CHST9: variants seen among roughly 807,000 people sequenced by gnomAD.
The protein encoded by CHST9 is carbohydrate sulfotransferase 9.
Under a neutral mutation model 44.4 loss-of-function variants are expected in CHST9, and 41 were observed. The ratio of observed to expected loss-of-function variants is 0.92; its 90% CI spans 0.72 to 1.20. CHST9 has a LOEUF of 1.20. Ranked by LOEUF, CHST9 falls within the 50% of genes most tolerant of loss-of-function variation. The pLI is 0.00. For synonymous variants in CHST9, 171 were observed against 178.4 expected (o/e 0.96, Z 0.33); for missense variants, 504 against 516.5 (o/e 0.98, Z 0.23).
In CHST9 at chr18:26,913,832, G is replaced by T. The variant is rs149043798; in HGVS notation, c.*2427C>A. 2.6e-5 allele frequency: 4 copies of T among 152,284 alleles called. No individual in the cohort carries two copies. The highest frequency in any genetic ancestry group is 7.2e-5 in the African/African-American group (3 of 41,560). The allele number at this position is 152,284 out of a possible 1,614,324, so 9.4% of individuals were successfully genotyped here. ...GCCAAATAAGTCAGGAGAGAAAAAT[G>T]GAGTTTGGCTTTAAACTCACAAGTA... is the stretch of plus-strand genomic sequence containing the variant. On this transcript the variant is annotated 3_prime_UTR_variant, in exon 6 of 6. Coordinates refer to ENST00000618847, the MANE Select transcript of CHST9 (RefSeq NM_031422.6).
intron 3 of CHST9, among the ~76,000 whole-genome samples, chr18:27,025,843 G>C (rs1454043560): frequency 6.6e-6 from 1 of 152,076 alleles, no homozygotes; most frequent in Admixed American, 6.6e-5. Context: ...ATATTGTTTA[G>C]ACTAGAACAA....
rs1336078574 is a variant in CHST9, at chr18:27,132,757, C to T, written c.121+9932G>A. Among the ~76,000 whole-genome samples, 9 of 152,082 alleles carry T rather than the reference C, an allele frequency of 5.9e-5. 1 individual carries two copies. Among genetic ancestry groups the T allele is most frequent in the African/African-American group, 9.7e-5 (4 of 41,386 alleles). On this transcript the variant is annotated intron_variant, in intron 2 of 5. Coordinates refer to ENST00000618847, the MANE Select transcript of CHST9 (RefSeq NM_031422.6). Reference sequence around the variant, plus strand: ...TTCTCTGAGACAGATGAGTGCTCACCGTGGGTAGGAAAGAAGATTAAGAAA... The same window carrying T: ...TTCTCTGAGACAGATGAGTGCTCACTGTGGGTAGGAAAGAAGATTAAGAAA...
At chr18:27,171,724 A>G (rs1056095743) in intron 1 of CHST9, among the ~76,000 whole-genome samples, 2 of 152,324 alleles carry the variant, frequency 1.3e-5, no homozygotes, top group East Asian at 3.9e-4. Context: ...ACAGTTAATC[A>G]TTGAGTTCTA....
chr18:27,135,708 C>G (rs1223813341), intron 2 of CHST9, among the ~76,000 whole-genome samples: 1 of 152,162 alleles, frequency 6.6e-6, no homozygotes. Context: ...GGCCAGGAAC[C>G]AAAATCAACA....
intron 4 of CHST9, among the ~76,000 whole-genome samples, chr18:26,997,826 C>T (rs2056903654): frequency 6.6e-6 from 1 of 152,186 alleles, no homozygotes; most frequent in African/African-American, 2.4e-5. Context: ...TTTTTCGGGC[C>T]TAATATAAAT....
chr18:27,087,743 G>A (rs910638001), intron 2 of CHST9, among the ~76,000 whole-genome samples: 1 of 152,162 alleles, frequency 6.6e-6, no homozygotes, highest in African/African-American at 2.4e-5. Context: ...TAGCTAACCA[G>A]ATGACCTTAT....
rs79936959 is a variant in CHST9 at position 26,983,053 on chromosome 18, A to G, written c.203-38687T>C. 6.0e-3 allele frequency among the ~76,000 whole-genome samples: 908 copies of G among 152,266 alleles called. 8 individuals carry two copies. Among genetic ancestry groups the G allele is most frequent in the Middle Eastern group, 0.048 (14 of 292 alleles). On this transcript the variant is annotated intron_variant, in intron 4 of 5. Coordinates refer to ENST00000618847, the MANE Select transcript of CHST9 (RefSeq NM_031422.6). ...GGGAGGATCTGACCTCTGTGTAAAT[A>G]TTAGCCGGGCTAAGAATCACAGCGG...
At chr18:27,129,722 T>C (rs2058456019) in intron 2 of CHST9, among the ~76,000 whole-genome samples, 1 of 152,162 alleles carries the variant, frequency 6.6e-6, no homozygotes, top group Admixed American at 6.5e-5. Flanking sequence ...ATACCTCAGT[T>C]TGAAAATAAA....
intron 4 of CHST9, among the ~76,000 whole-genome samples, chr18:26,981,039 A>T (rs762474138): frequency 1.3e-5 from 2 of 152,208 alleles, no homozygotes; most frequent in African/African-American, 4.8e-5. Flanking sequence ...TGTGATGTTG[A>T]TGGAGCCACA....
chr18:27,053,280 G>GA, intron 2 of CHST9, among the ~76,000 whole-genome samples: 1 of 86,088 alleles, frequency 1.2e-5, no homozygotes, highest in South Asian at 4.0e-4. Flanking sequence ...GAAGGAGAAG[G>GA]AGAAGGAGAA....
rs60705060 is a variant in CHST9 at position 27,137,304 on chromosome 18, ATGTGTGTGTGTGTGTGTGTGTGTGTG to A, written c.121+5359_121+5384del. On this transcript the variant is annotated intron_variant, in intron 2 of 5. Coordinates refer to ENST00000618847, the MANE Select transcript of CHST9 (RefSeq NM_031422.6). ...TCTGTATATATTGATTTATTTATAT[ATGTGTGTGTGTGTGTGTGTGTGTGTG>A]TGTGTGTGTGTGTGTGTGTGTGTGT... is the stretch of plus-strand genomic sequence containing the variant. Among the ~76,000 whole-genome samples the A allele has an allele frequency of 7.7e-4, 112 of 145,488 alleles. 1 individual carries two copies. The highest frequency in any genetic ancestry group is 1.2e-3 in the Non-Finnish European group (78 of 66,684).
chr18:27,111,603 T>C (rs958357332), intron 2 of CHST9, among the ~76,000 whole-genome samples: 2 of 152,190 alleles, frequency 1.3e-5, no homozygotes, highest in African/African-American at 4.8e-5. Flanking sequence ...CAGTTCAAGA[T>C]CACCCACTGA....
At chr18:27,113,612 C>T (rs1399663885) in intron 2 of CHST9, among the ~76,000 whole-genome samples, 1 of 152,152 alleles carries the variant, frequency 6.6e-6, no homozygotes, top group Non-Finnish European at 1.5e-5. Flanking sequence ...AGCTCACTTG[C>T]TCCTTAAACC....
chr18:26,964,040 A>G (rs531827292), intron 4 of CHST9, among the ~76,000 whole-genome samples: 16 of 152,364 alleles, frequency 1.1e-4, no homozygotes, highest in Admixed American at 9.8e-4. Context: ...TTTCATAAGA[A>G]GAGCATTTTT....
intron 2 of CHST9, among the ~76,000 whole-genome samples, chr18:27,100,132 T>A (rs1191053821): frequency 6.6e-6 from 1 of 152,078 alleles, no homozygotes; most frequent in Non-Finnish European, 1.5e-5. Flanking sequence ...CTGGAAACAA[T>A]TATTCTAAGC....
At chr18:27,180,899 A>G (rs1053444844) in intron 1 of CHST9, among the ~76,000 whole-genome samples, 4 of 152,144 alleles carry the variant, frequency 2.6e-5, no homozygotes, top group Non-Finnish European at 5.9e-5. Context: ...TCCAACCACA[A>G]TATTTCTTTT....
chr18:27,060,997 G>C (rs1379223720), intron 2 of CHST9, among the ~76,000 whole-genome samples: 5 of 152,200 alleles, frequency 3.3e-5, no homozygotes, highest in Non-Finnish European at 5.9e-5. Context: ...ACACGCATGG[G>C]AGAAACCATC....
intron 4 of CHST9, among the ~76,000 whole-genome samples, chr18:27,008,258 T>C (rs972981548): frequency 3.3e-5 from 5 of 152,140 alleles, no homozygotes; most frequent in Non-Finnish European, 7.4e-5. Context: ...AGTCATCCAC[T>C]GAAGAGGAGA....
At chr18:27,000,902 T>A (rs901442776) in intron 4 of CHST9, among the ~76,000 whole-genome samples, 6 of 152,210 alleles carry the variant, frequency 3.9e-5, no homozygotes, top group African/African-American at 1.4e-4. Context: ...CACCCCCCCA[T>A]CTCTGAATTG....
Sources: gnomAD v4.1 joint callset for allele counts (sites outside exome capture counted in the v4.1 genomes callset) on GRCh38, gnomAD v4.1.1 for gene constraint, MANE v1.5 for transcripts, NCBI Gene and HGNC (gene_info 2026-07-23, HGNC 2026-07-21) for gene names.